Variants in PPP2R2B observed in about 807,000 individuals in gnomAD.
PPP2R2B encodes serine/threonine-protein phosphatase 2A 55 kDa regulatory subunit B beta isoform.
In PPP2R2B, 5 loss-of-function variants were observed where a neutral mutation model predicts 46.0. The observed-to-expected ratio is 0.11, with a 90% CI of 0.06 to 0.23. PPP2R2B has a LOEUF of 0.23. PPP2R2B is among the 10% of genes least tolerant of loss of function. PPP2R2B has a pLI of 1.00. For missense variants in PPP2R2B, 367 were observed against 575.0 expected, an observed-to-expected ratio of 0.64 and a Z score of 3.70; for synonymous variants, 215 against 206.7, an observed-to-expected ratio of 1.04 and a Z score of -0.34.
intron 7 of PPP2R2B, among the ~76,000 whole-genome samples, chr5:146,628,615 G>A (rs935260432): frequency 5.9e-5 from 9 of 152,202 alleles, no homozygotes; most frequent in Non-Finnish European, 1.0e-4. Flanking sequence ...AGGGGCAGGT[G>A]AGGAAGAAGG....
At chr5:146,768,324 C>T (rs566083280) in intron 2 of PPP2R2B, among the ~76,000 whole-genome samples, 1 of 152,246 alleles carries the variant, frequency 6.6e-6, no homozygotes, top group African/African-American at 2.4e-5. Context: ...TCCATCTGCC[C>T]TGGACTCCCA....
intron 2 of PPP2R2B, among the ~76,000 whole-genome samples, chr5:146,732,517 A>T (rs1752294233): frequency 6.6e-6 from 1 of 152,220 alleles, no homozygotes; most frequent in Non-Finnish European, 1.5e-5. Context: ...GCAGAGGTAT[A>T]AGAGGAAATA....
intron 1 of PPP2R2B, among the ~76,000 whole-genome samples, chr5:147,045,676 A>G (rs143174656): frequency 1.4e-4 from 21 of 152,264 alleles, no homozygotes; most frequent in African/African-American, 5.1e-4. Context: ...ACACCCCTCG[A>G]TAATTTACAG....
At chr5:146,909,969 A>ATTTAATTTCCATT (rs957949895) in intron 1 of PPP2R2B, among the ~76,000 whole-genome samples, 1 of 152,226 alleles carries the variant, frequency 6.6e-6, no homozygotes, top group African/African-American at 2.4e-5. Context: ...CAGCTAGAAG[A>ATTTAATTTCCATT]TTTAATTTCC....
At chr5:146,914,511 C>T (rs1763307671) in intron 1 of PPP2R2B, 1 of 152,168 alleles carries the variant, frequency 6.6e-6, no homozygotes, top group Admixed American at 6.5e-5. Flanking sequence ...TGATCTTCAA[C>T]TTTAGTATGC....
chr5:146,669,794 G>T (rs1483729785), intron 5 of PPP2R2B, among the ~76,000 whole-genome samples: 1 of 152,156 alleles, frequency 6.6e-6, no homozygotes, highest in African/African-American at 2.4e-5. Flanking sequence ...GACATAATAA[G>T]TCATGAGGTC....
intron 1 of PPP2R2B, among the ~76,000 whole-genome samples, chr5:147,035,415 A>C (rs1387457166): frequency 6.6e-6 from 1 of 152,108 alleles, no homozygotes; most frequent in Non-Finnish European, 1.5e-5. Context: ...ACAATTTGAC[A>C]TGAGATTTGG....
At chr5:146,745,156 A>AAGAG (rs1753097763) in intron 2 of PPP2R2B, among the ~76,000 whole-genome samples, 2 of 106,050 alleles carry the variant, frequency 1.9e-5, no homozygotes, top group African/African-American at 3.7e-5. Context: ...CGTGCAGAGA[A>AAGAG]AGACAGAGAG....
At position 146,835,470 on chromosome 5, in the gene PPP2R2B, A is replaced by G. The variant is rs146141833; in HGVS notation, c.70+42532T>C. 3.8e-3 allele frequency among the ~76,000 whole-genome samples: 574 copies of G among 152,272 alleles called. 8 individuals carry two copies. The highest frequency in any genetic ancestry group is 0.026 in the East Asian group (135 of 5,168). On this transcript the variant is annotated intron_variant, in intron 2 of 9. Coordinates refer to ENST00000394411, the MANE Select transcript of PPP2R2B (RefSeq NM_181675.4). The stretch of plus-strand genomic sequence containing the variant: ...TGAAGCATGTTGAGTTCTAGCAAAC[A>G]TGTACATCTTTGGTTTGTCACCTGT...
intron 2 of PPP2R2B, among the ~76,000 whole-genome samples, chr5:146,778,529 T>C (rs1391744264): frequency 6.6e-6 from 1 of 152,188 alleles, no homozygotes; most frequent in Admixed American, 6.5e-5. Flanking sequence ...TCTTGATTTT[T>C]TCATCCTAGG....
chr5:146,820,729 C>T (rs916624343), intron 2 of PPP2R2B, among the ~76,000 whole-genome samples: 6 of 152,014 alleles, frequency 3.9e-5, no homozygotes. Context: ...TCACTGAGTC[C>T]TAAATTGACC....
rs550778853 is a variant in PPP2R2B, at chr5:146,593,084, A to G, written c.961-22T>C. 6 of 1,555,592 alleles carry G rather than the reference A, an allele frequency of 3.9e-6. No individual in the cohort carries two copies. The East Asian group carries it at 1.1e-4, about 29-fold the overall frequency. ...GAACCTGGAGAGGAAACATATCGAGAAGGTCAGTTATTATTTTAAACAGTA... is the reference window on the plus strand; with the variant it reads ...GAACCTGGAGAGGAAACATATCGAGGAGGTCAGTTATTATTTTAAACAGTA... On this transcript the variant is annotated intron_variant, in intron 8 of 9. Transcript: ENST00000394411.
chr5:146,648,630 TA>T (rs1775738324), intron 6 of PPP2R2B, among the ~76,000 whole-genome samples: 1 of 152,026 alleles, frequency 6.6e-6, no homozygotes, highest in East Asian at 1.9e-4. Flanking sequence ...AATACATAAG[TA>T]AAAAAATTTC....
chr5:146,946,322 C>T (rs550849750), intron 1 of PPP2R2B, among the ~76,000 whole-genome samples: 21 of 152,206 alleles, frequency 1.4e-4, no homozygotes, highest in African/African-American at 5.1e-4. Flanking sequence ...CCCACCACTG[C>T]TTGGAGTATG....
intron 1 of PPP2R2B, among the ~76,000 whole-genome samples, chr5:146,935,677 G>C (rs1174936115): frequency 6.6e-6 from 1 of 152,032 alleles, no homozygotes; most frequent in Non-Finnish European, 1.5e-5. Context: ...AAAGTAAAGA[G>C]GGCAAGAAAA....
chr5:146,632,080 C>A (rs983616823), intron 7 of PPP2R2B, among the ~76,000 whole-genome samples: 2 of 137,244 alleles, frequency 1.5e-5, no homozygotes, highest in African/African-American at 5.3e-5. Context: ...CCCGCCCATT[C>A]ATATATTGAA....
intron 1 of PPP2R2B, among the ~76,000 whole-genome samples, chr5:147,014,448 G>C (rs1269362591): frequency 2.0e-5 from 3 of 151,904 alleles, no homozygotes; most frequent in Non-Finnish European, 4.4e-5. Flanking sequence ...TATGTTTATT[G>C]TGGCATTTTT....
At chr5:147,039,324 C>T (rs1381732386) in intron 1 of PPP2R2B, among the ~76,000 whole-genome samples, 1 of 152,170 alleles carries the variant, frequency 6.6e-6, no homozygotes, top group Non-Finnish European at 1.5e-5. Flanking sequence ...TATGCAAGTG[C>T]CATGAGGTGG....
chr5:146,644,234 CAAAAAAAAA>C lies in PPP2R2B; in HGVS notation c.626-5828_626-5820del, dbSNP rs58634387. The stretch of plus-strand genomic sequence containing the variant: ...TGAACTTCTTCCCTTAGGAAAGTTT[CAAAAAAAAA>C]AAAAAAAAAAAAAAAAAAAAGAAGA... On this transcript the variant is annotated intron_variant, in intron 6 of 9. Coordinates refer to ENST00000394411, the MANE Select transcript of PPP2R2B (RefSeq NM_181675.4). Among the ~76,000 whole-genome samples the C allele has an allele frequency of 1.6e-4, 10 of 60,660 alleles. 1 individual carries two copies. Among genetic ancestry groups the C allele is most frequent in the Non-Finnish European group, 2.1e-4 (7 of 32,976 alleles). 39.8% of individuals were successfully genotyped at this position (60,660 alleles called of 152,430 possible).
Sources: allele counts gnomAD v4.1 joint callset (sites outside exome capture counted in the v4.1 genomes callset), GRCh38; gene constraint gnomAD v4.1.1; transcripts MANE v1.5; gene names NCBI Gene and HGNC (gene_info 2026-07-23, HGNC 2026-07-21).